RBPJL: variants seen among roughly 807,000 people sequenced by gnomAD.
The protein encoded by RBPJL is recombination signal binding protein for immunoglobulin kappa J region like.
Under a neutral mutation model 57.6 loss-of-function variants are expected in RBPJL, and 50 were observed. The observed-to-expected ratio is 0.87, with a 90% CI of 0.69 to 1.10. The LOEUF is 1.10. Among genes scored for constraint, RBPJL ranks in the 50% least tolerant of loss-of-function variants. The probability of loss-of-function intolerance (pLI) is 0.00; values close to 1 mark genes in which losing one functional copy is unlikely to be tolerated. For missense variants in RBPJL, 684 were observed against 693.7 expected (o/e 0.99, Z 0.16); for synonymous variants, 303 against 294.4 (o/e 1.03, Z -0.30).
At chr20:45,312,858 A>G (rs972615282) in intron 6 of RBPJL, among the ~76,000 whole-genome samples, 2 of 151,588 alleles carry the variant, frequency 1.3e-5, no homozygotes, top group African/African-American at 2.4e-5. Flanking sequence ...AAAAAGAAAA[A>G]TTAGCCTGGC....
chr20:45,312,304 C>T lies in RBPJL; in HGVS notation c.528C>T (p.Arg176=), dbSNP rs755955118. Residue 176 remains arginine, a synonymous_variant, in exon 6 of 12, where the codon CGC becomes CGT. Coordinates refer to ENST00000343694, the MANE Select transcript of RBPJL (RefSeq NM_014276.4). ...HFRLVLRLVL[R]GGRELGTFHS... ...GGCTGGTGCTGCGGCTGGTGCTGCG[C>T]GGGGGCCGGGAGCTGGGTACCTTCC... 1 of 1,614,048 alleles carries T rather than the reference C, an allele frequency of 6.2e-7. No individual in the cohort carries two copies. Among genetic ancestry groups the T allele is most frequent in the Admixed American group, 1.7e-5 (1 of 60,022 alleles).
intron 2 of RBPJL, chr20:45,308,537 C>T (rs1240092368): frequency 6.6e-6 from 3 of 457,034 alleles, no homozygotes; most frequent in Admixed American, 3.4e-5. Flanking sequence ...ACTCCACAGC[C>T]GGAATTCATT....
chr20:45,316,263 C>T lies in RBPJL; in HGVS notation c.1097C>T (p.Ser366Leu), dbSNP rs916449699. ...TGCTGGACCATCATCGGCACCGAGTCGGTGGAATTTTCCTTCAGCACCAGC... is the reference window on the plus strand; with the variant it reads ...TGCTGGACCATCATCGGCACCGAGTTGGTGGAATTTTCCTTCAGCACCAGC... ...SSCWTIIGTE[S>L]VEFSFSTSLA... Residue 366 changes from serine to leucine, a missense_variant, in exon 10 of 12, where the codon TCG (serine) becomes TTG (leucine). Physicochemically the swap from Ser to Leu is moderately radical, Grantham distance 145. Transcript: ENST00000343694. 1.2e-6 allele frequency: 2 copies of T among 1,614,220 alleles called. No individual in the cohort carries two copies. Among genetic ancestry groups the T allele is most frequent in the Non-Finnish European group, 1.7e-6 (2 of 1,180,018 alleles).
In RBPJL at chr20:45,317,684, T is replaced by G. The variant is rs904584165; in HGVS notation, c.*725T>G. Reference sequence around the variant, plus strand: ...GTGTTTGCTCCCTGGTCCACAGATTTGGTGGCTGGGCAGGTGCCTGGACAG... The same window carrying G: ...GTGTTTGCTCCCTGGTCCACAGATTGGGTGGCTGGGCAGGTGCCTGGACAG... On this transcript the variant is annotated 3_prime_UTR_variant, in exon 12 of 12. Coordinates refer to ENST00000343694, the MANE Select transcript of RBPJL (RefSeq NM_014276.4). 2.0e-5 allele frequency: 3 copies of G among 152,410 alleles called. No individual in the cohort carries two copies. Among genetic ancestry groups the G allele is most frequent in the African/African-American group, 7.2e-5 (3 of 41,454 alleles). The allele number at this position is 152,410 out of a possible 1,614,324, so 9.4% of individuals were successfully genotyped here.
rs377429032 is a variant in RBPJL at position 45,313,530 on chromosome 20, A to G, written c.682A>G (p.Thr228Ala). ...CCGCCTGCGCTCTCAGACGGTCTCCACACGCTACCTCTCTGTGGAGGATGG... is the reference window on the plus strand; with the variant it reads ...CCGCCTGCGCTCTCAGACGGTCTCCGCACGCTACCTCTCTGTGGAGGATGG... Reference protein sequence around the residue: ...FNRLRSQTVSTRYLSVEDGAF... With the variant: ...FNRLRSQTVSARYLSVEDGAF... Residue 228 changes from threonine (T) to alanine (A), a missense_variant, in exon 7 of 12, where the codon ACA (threonine) becomes GCA (alanine). Physicochemically the swap from Thr to Ala is moderately conservative, Grantham distance 58. Transcript: ENST00000343694. The G allele has an allele frequency of 1.4e-5, 23 of 1,613,848 alleles. No homozygotes were observed. The highest frequency in any genetic ancestry group is 1.8e-5 in the Non-Finnish European group (21 of 1,179,968).
In RBPJL at chr20:45,314,460, G is replaced by A; in HGVS notation, c.915G>A (p.Glu305=). 2 of 1,614,170 alleles carry A rather than the reference G, an allele frequency of 1.2e-6. No individual in the cohort carries two copies. The highest frequency in any genetic ancestry group is 1.1e-5 in the South Asian group (1 of 91,076). ...AGTGTGCGCTCCTTGATGTGGATGA[G>A]CCCATCTCCCAGCTGCACAAGTGTG... The part of the protein sequence containing the change: ...AKQCALLDVD[E]PISQLHKCAF... The change falls in exon 9 of 12, where the codon GAG becomes GAA. Residue 305 remains glutamate (E), a synonymous_variant. Transcript: ENST00000343694.
Position 45,316,797 on chromosome 20 carries a change from G to T in RBPJL, c.1392G>T (p.Gly464=), listed in dbSNP as rs774336574. ...TIPMSLVRAD[G]LFYPSAFSFT... is the part of the protein sequence containing the mutation. ...CCATGAGCCTGGTGCGCGCCGACGG[G>T]CTCTTCTACCCTAGTGCCTTCTCCT... The change falls in exon 12 of 12, where the codon GGG becomes GGT. Residue 464 remains glycine (G), a synonymous_variant. Coordinates refer to ENST00000343694, the MANE Select transcript of RBPJL (RefSeq NM_014276.4). The T allele has an allele frequency of 6.2e-7, 1 of 1,613,944 alleles. No individual in the cohort carries two copies. The highest frequency in any genetic ancestry group is 8.5e-7 in the Non-Finnish European group (1 of 1,179,858).
Position 45,309,643 on chromosome 20 carries a change from C to G in RBPJL, c.208C>G (p.Arg70Gly). 6.2e-7 allele frequency: 1 copy of G among 1,613,472 alleles called. No homozygotes were observed. Among genetic ancestry groups the G allele is most frequent in the Non-Finnish European group, 8.5e-7 (1 of 1,179,716 alleles). ...CLQQQCEQTV[R>G]ILHAKVAQKS... ...GCAGCAACAGTGTGAACAGACTGTG[C>G]GGATCCTGCATGCCAAGGTGGCCCA... The change falls in exon 3 of 12, where the codon CGG becomes GGG. Residue 70 changes from arginine to glycine, a missense_variant. Coordinates refer to ENST00000343694, the MANE Select transcript of RBPJL (RefSeq NM_014276.4).
rs1313589894 is a variant in RBPJL at position 45,312,201 on chromosome 20, T to C, written c.445-20T>C. On this transcript the variant is annotated intron_variant, in intron 5 of 11. Transcript: ENST00000343694. ...GGGGAGGGCTGGGATGAGATGGCCC[T>C]GTACCTGTGAGCCCCCTAGGAATTC... 1.9e-6 allele frequency: 3 copies of C among 1,613,850 alleles called. No homozygotes were observed. The highest frequency in any genetic ancestry group is 1.3e-5 in the African/African-American group (1 of 74,954).
chr20:45,308,437 C>T (rs1355826238), intron 2 of RBPJL, 186 bp downstream of exon 2: 4 of 585,080 alleles, frequency 6.8e-6, no homozygotes, highest in African/African-American at 3.7e-5. Context: ...ACCCCCTGCT[C>T]CTACCACGCT....
chr20:45,308,782 T>C (rs540623563), intron 2 of RBPJL, among the ~76,000 whole-genome samples: 8 of 151,216 alleles, frequency 5.3e-5, no homozygotes, highest in Admixed American at 2.0e-4. Context: ...CCACCTCCCC[T>C]CCTCTACTTG....
chr20:45,314,054 A>G lies in RBPJL; in HGVS notation c.777A>G (p.Gln259=), dbSNP rs767658758. The G allele has an allele frequency of 1.2e-6, 2 of 1,614,052 alleles. No individual in the cohort carries two copies. ...TLHLADGHSA[Q]GDFPPREGYV... is the part of the protein sequence containing the mutation. ...CCCCAGCTGATGGGCACTCTGCCCA[A>G]GGAGACTTCCCACCGCGAGAGGGCT... is the stretch of plus-strand genomic sequence containing the variant. The change falls in exon 8 of 12, where the codon CAA becomes CAG. Residue 259 remains glutamine (Q), a synonymous_variant. Transcript: ENST00000343694.
intron 9 of RBPJL, 109 bp from the exon 10 acceptor site, chr20:45,316,078 G>A (rs1987449350): frequency 5.8e-6 from 6 of 1,036,164 alleles, no homozygotes; most frequent in Non-Finnish European, 8.6e-6. Context: ...CAGAGCCTAG[G>A]ATTAGTATCC....
At position 45,307,642 on chromosome 20, in the gene RBPJL, C is replaced by T. The variant is rs561115115; in HGVS notation, c.23-501C>T. 1.5e-3 allele frequency among the ~76,000 whole-genome samples: 227 copies of T among 152,348 alleles called. 1 individual carries two copies. The Middle Eastern group carries it at 0.017, about 11-fold the overall frequency. ...CCATTCTTGGTCTGAGCCAACTTCT[C>T]ACCTGGCACCCTGCCTCCACCCCAG... On this transcript the variant is annotated intron_variant, in intron 1 of 11. Coordinates refer to ENST00000343694, the MANE Select transcript of RBPJL (RefSeq NM_014276.4).
chr20:45,307,606 T>G (rs1459334865), intron 1 of RBPJL, among the ~76,000 whole-genome samples: 1 of 152,162 alleles, frequency 6.6e-6, no homozygotes, highest in Non-Finnish European at 1.5e-5. Flanking sequence ...TTGGTTAAGG[T>G]TCCCCTCATC....
At position 45,317,002 on chromosome 20, in the gene RBPJL, C is replaced by T. The variant is rs778725048; in HGVS notation, c.*43C>T. ...GGCTGCCCACCCTGGAGGGCTGCGC[C>T]CGCGCCAGGCGCGGGGACGTGTTTC... is the stretch of plus-strand genomic sequence containing the variant. On this transcript the variant is annotated 3_prime_UTR_variant, in exon 12 of 12. Coordinates refer to ENST00000343694, the MANE Select transcript of RBPJL (RefSeq NM_014276.4). 1 of 1,576,860 alleles carries T rather than the reference C, an allele frequency of 6.3e-7. No individual in the cohort carries two copies. The highest frequency in any genetic ancestry group is 1.2e-5 in the South Asian group (1 of 86,936).
At chr20:45,309,750 T>C in intron 3 of RBPJL, 58 bp downstream of exon 3, 1 of 1,600,702 alleles carries the variant, frequency 6.2e-7, no homozygotes, top group East Asian at 2.3e-5. Context: ...ATGCACCTCC[T>C]CCATCCACCC....
intron 1 of RBPJL, among the ~76,000 whole-genome samples, chr20:45,307,644 C>T (rs1986847785): frequency 6.6e-6 from 1 of 152,218 alleles, no homozygotes; most frequent in Non-Finnish European, 1.5e-5. Flanking sequence ...CAACTTCTCA[C>T]CTGGCACCCT....
rs912740982 is a variant in RBPJL, at chr20:45,308,189, C to G, written c.69C>G (p.Asp23Glu). The G allele has an allele frequency of 2.5e-5, 41 of 1,613,994 alleles. No homozygotes were observed. Among genetic ancestry groups the G allele is most frequent in the Non-Finnish European group, 3.4e-5 (40 of 1,179,962 alleles). ...CTTTGACTCACCTGAGCCTGCAGGA[C>G]AGATCAGAGATGCAGCTGCAGAGCG... ...PNPLTHLSLQ[D>E]RSEMQLQSEA... Residue 23 changes from aspartate to glutamate, a missense_variant, in exon 2 of 12, where the codon GAC (aspartate) becomes GAG (glutamate). By Grantham distance (45) the Asp-to-Glu change is conservative. Transcript: ENST00000343694.
Sources: allele counts gnomAD v4.1 joint callset (sites outside exome capture counted in the v4.1 genomes callset), GRCh38; gene constraint gnomAD v4.1.1; transcripts MANE v1.5; gene names NCBI Gene and HGNC (gene_info 2026-07-23, HGNC 2026-07-21).